The following FAM204A variants were observed in gnomAD, a reference collection of about 807,000 sequenced individuals.
FAM204A encodes family with sequence similarity 204 member A, also known as protein FAM204A.
FAM204A carries 16 observed loss-of-function variants against 35.4 expected under a neutral mutation model. The ratio of observed to expected loss-of-function variants is 0.45; its 90% CI spans 0.31 to 0.69. FAM204A has a LOEUF of 0.69. Among genes scored for constraint, FAM204A ranks in the 30% least tolerant of loss-of-function variants. The pLI, the probability that FAM204A is intolerant of heterozygous loss-of-function variation, is 0.07. For missense variants in FAM204A, 240 were observed against 265.7 expected, an observed-to-expected ratio of 0.90 and a Z score of 0.67; for synonymous variants, 76 against 86.9, an observed-to-expected ratio of 0.88 and a Z score of 0.70.
rs1383057476 is a variant in FAM204A, at chr10:118,330,419, G to A, written c.454-4176C>T. 4.6e-5 allele frequency among the ~76,000 whole-genome samples: 7 copies of A among 152,098 alleles called. 1 individual carries two copies. Among genetic ancestry groups the A allele is most frequent in the Non-Finnish European group, 1.0e-4 (7 of 68,028 alleles). On this transcript the variant is annotated intron_variant, in intron 6 of 8. Coordinates refer to ENST00000369183, the MANE Select transcript of FAM204A (RefSeq NM_022063.3). ...CAGCCATTAAGATCATAATCTAAAG[G>A]TAATAGCATATTACAGTGGAAAGAG...
At chr10:118,334,180 C>T (rs1213331449) in intron 6 of FAM204A, among the ~76,000 whole-genome samples, 2 of 152,156 alleles carry the variant, frequency 1.3e-5, no homozygotes, top group African/African-American at 2.4e-5. Context: ...AACAACTCTG[C>T]TCCTGCTTTC....
chr10:118,331,808 T>C (rs1449189206), intron 6 of FAM204A, among the ~76,000 whole-genome samples: 2 of 149,762 alleles, frequency 1.3e-5, no homozygotes, highest in African/African-American at 4.9e-5. Flanking sequence ...CATACATAAA[T>C]GTAAATCATA....
Position 118,304,250 on chromosome 10 carries a change from T to C in FAM204A, c.*6607A>G, listed in dbSNP as rs1430096445. ...ACCTCCAGGTTGCTACATAGAAGTG[T>C]CCATTTGACATTTCCATGGCATTCC... is the stretch of plus-strand genomic sequence containing the variant. On this transcript the variant is annotated 3_prime_UTR_variant, in exon 9 of 9. Transcript: ENST00000369183. 5.3e-5 allele frequency: 8 copies of C among 152,280 alleles called. No individual in the cohort carries two copies. The East Asian group carries it at 9.6e-4, about 18-fold the overall frequency. The allele number at this position is 152,280 out of a possible 1,614,324, so 9.4% of individuals were successfully genotyped here.
chr10:118,335,240 T>C, intron 5 of FAM204A, 27 bp from the exon 6 acceptor site: 1 of 1,587,882 alleles, frequency 6.3e-7, no homozygotes, highest in Non-Finnish European at 8.6e-7. Flanking sequence ...AGTTTTGTTT[T>C]ATACAATATA....
intron 6 of FAM204A, chr10:118,326,477 A>G: frequency 4.3e-6 from 2 of 464,394 alleles, no homozygotes; most frequent in Non-Finnish European, 7.5e-6. Context: ...GCAAATCCAG[A>G]TTTTTGTGAA....
intron 6 of FAM204A, among the ~76,000 whole-genome samples, chr10:118,327,058 T>C (rs1394103792): frequency 6.6e-6 from 1 of 152,200 alleles, no homozygotes; most frequent in East Asian, 1.9e-4. Flanking sequence ...AAATAGTTGC[T>C]ACAGATAATA....
intron 7 of FAM204A, among the ~76,000 whole-genome samples, chr10:118,313,062 A>G (rs1193563917): frequency 6.6e-6 from 1 of 152,176 alleles, no homozygotes; most frequent in African/African-American, 2.4e-5. Flanking sequence ...TCATCCCAGG[A>G]GAAAATGAAA....
intron 7 of FAM204A, among the ~76,000 whole-genome samples, chr10:118,312,614 T>A (rs1589719073): frequency 6.6e-6 from 1 of 152,078 alleles, no homozygotes; most frequent in South Asian, 2.1e-4. Flanking sequence ...ATAAAGAACG[T>A]AGACAAATGG....
chr10:118,322,344 CAA>C (rs1564758569), intron 7 of FAM204A: 1 of 456,266 alleles, frequency 2.2e-6, no homozygotes, highest in African/African-American at 2.0e-5. Context: ...AGGAAAGGGA[CAA>C]AGAGACAGCA....
At position 118,300,646 on chromosome 10, in the gene FAM204A, G is replaced by A. The variant is rs1218716344; in HGVS notation, c.*10211C>T. ...AGTATATATCCACTGAGAGCTGTCT[G>A]ACTCTGAAGCCAGTCCTTTAGCCAC... is the stretch of plus-strand genomic sequence containing the variant. On this transcript the variant is annotated 3_prime_UTR_variant, in exon 9 of 9. Coordinates refer to ENST00000369183, the MANE Select transcript of FAM204A (RefSeq NM_022063.3). 1 of 152,190 alleles carries A rather than the reference G, an allele frequency of 6.6e-6. No individual in the cohort carries two copies. Among genetic ancestry groups the A allele is most frequent in the Non-Finnish European group, 1.5e-5 (1 of 68,050 alleles). 9.4% of individuals were successfully genotyped at this position (152,190 alleles called of 1,614,324 possible).
chr10:118,306,617 G>C lies in FAM204A; in HGVS notation c.*4240C>G, dbSNP rs536731172. The stretch of plus-strand genomic sequence containing the variant: ...GGATTAAGATCATGAAAGCCAATGT[G>C]GCAGGAAGCTACTCTGAAGCATCTC... On this transcript the variant is annotated 3_prime_UTR_variant, in exon 9 of 9. Transcript: ENST00000369183. The C allele has an allele frequency of 6.6e-6, 1 of 152,318 alleles. No individual in the cohort carries two copies. Among genetic ancestry groups the C allele is most frequent in the East Asian group, 1.9e-4 (1 of 5,184 alleles). 9.4% of individuals were successfully genotyped at this position (152,318 alleles called of 1,614,324 possible). A position where few individuals can be genotyped will look rare whatever the true frequency, so the allele number is the denominator to read the frequency against.
intron 6 of FAM204A, among the ~76,000 whole-genome samples, chr10:118,327,877 T>C (rs899988606): frequency 6.6e-6 from 1 of 152,204 alleles, no homozygotes; most frequent in Non-Finnish European, 1.5e-5. Flanking sequence ...ACAAGAGGAT[T>C]GTTTGAGCCC....
intron 6 of FAM204A, among the ~76,000 whole-genome samples, chr10:118,329,300 A>T (rs931802297): frequency 6.6e-6 from 1 of 152,140 alleles, no homozygotes; most frequent in African/African-American, 2.4e-5. Flanking sequence ...GCATCATGTC[A>T]TTACCCAGCT....
chr10:118,313,558 T>C (rs1000428657), intron 7 of FAM204A, among the ~76,000 whole-genome samples: 1 of 152,186 alleles, frequency 6.6e-6, no homozygotes, highest in East Asian at 1.9e-4. Flanking sequence ...GCTACTTGTG[T>C]TTAAGATGCA....
At chr10:118,315,557 T>G (rs1846017508) in intron 7 of FAM204A, among the ~76,000 whole-genome samples, 1 of 152,158 alleles carries the variant, frequency 6.6e-6, no homozygotes, top group Admixed American at 6.6e-5. Context: ...TGTTCTTTAA[T>G]TAAATGAAAA....
At chr10:118,315,344 G>A (rs758477263) in intron 7 of FAM204A, among the ~76,000 whole-genome samples, 97 of 152,128 alleles carry the variant, frequency 6.4e-4, no homozygotes, top group South Asian at 8.3e-4. Context: ...GATTCAAACC[G>A]CTTAATCTAG....
intron 2 of FAM204A, among the ~76,000 whole-genome samples, chr10:118,337,635 C>T (rs1311845192): frequency 2.0e-5 from 3 of 152,152 alleles, no homozygotes; most frequent in African/African-American, 7.2e-5. Context: ...AGGACTCTGG[C>T]ATCTAACTGC....
chr10:118,332,034 C>A (rs1055220868), intron 6 of FAM204A, among the ~76,000 whole-genome samples: 1 of 150,910 alleles, frequency 6.6e-6, no homozygotes, highest in Non-Finnish European at 1.5e-5. Context: ...ATTAGCTGGG[C>A]ATGATGGCGC....
chr10:118,326,110 A>G, intron 7 of FAM204A, 44 bp downstream of exon 7: 1 of 1,457,568 alleles, frequency 6.9e-7, no homozygotes, highest in Non-Finnish European at 9.5e-7. Context: ...AATTTATTCT[A>G]GAAAATTTGA....
Sources: allele counts gnomAD v4.1 joint callset (sites outside exome capture counted in the v4.1 genomes callset), GRCh38; gene constraint gnomAD v4.1.1; transcripts MANE v1.5; gene names NCBI Gene and HGNC (gene_info 2026-07-23, HGNC 2026-07-21).